Variants in TAF4 observed in about 807,000 individuals in gnomAD.
TAF4 encodes TATA-box binding protein associated factor 4, also known as transcription initiation factor TFIID subunit 4.
TAF4 carries 9 observed loss-of-function variants against 90.3 expected under a neutral mutation model. The ratio of observed to expected loss-of-function variants is 0.10; its 90% CI spans 0.06 to 0.17. The LOEUF (loss-of-function observed/expected upper bound fraction) is 0.17. Among genes scored for constraint, TAF4 ranks in the 10% least tolerant of loss-of-function variants. The pLI is 1.00. For missense variants in TAF4, 1,351 were observed against 1,370.7 expected (o/e 0.99, Z 0.23); for synonymous variants, 818 against 638.9 (o/e 1.28, Z -4.23).
At chr20:62,063,397 T>A (rs1600868634) in intron 1 of TAF4, among the ~76,000 whole-genome samples, 1 of 151,770 alleles carries the variant, frequency 6.6e-6, no homozygotes. Flanking sequence ...ACGGCACGCG[T>A]CACCACAGGC....
rs547978975 is a variant in TAF4 at position 62,051,729 on chromosome 20, C to T, written c.1360+12722G>A. Among the ~76,000 whole-genome samples, 130 of 152,332 alleles carry T rather than the reference C, an allele frequency of 8.5e-4. 1 individual carries two copies. In the Middle Eastern group the frequency reaches 0.01, roughly 12 times the overall value. ...GGGCCTGGCCCCTGCCATGGCACCA[C>T]TTCAGAACCTCATGGCAGGTGGCCT... On this transcript the variant is annotated intron_variant, in intron 1 of 14. Coordinates refer to ENST00000252996, the MANE Select transcript of TAF4 (RefSeq NM_003185.4).
intron 14 of TAF4, chr20:61,980,197 G>A (rs1009466643): frequency 1.3e-5 from 2 of 152,302 alleles, no homozygotes; most frequent in Non-Finnish European, 1.5e-5. Flanking sequence ...AATGAAAGGA[G>A]GAGGTCTCTC....
In TAF4 at chr20:62,010,064, G is replaced by A. The variant is rs761401561; in HGVS notation, c.1743C>T (p.Thr581=). 5 of 1,613,570 alleles carry A rather than the reference G, an allele frequency of 3.1e-6. No individual in the cohort carries two copies. The highest frequency in any genetic ancestry group is 4.2e-6 in the Non-Finnish European group (5 of 1,179,992). ...TPQRTVPGAT[T]TSSAATETME... ...CTCTTACCGTGGCAGCTGAGGAAGT[G>A]GTGGTCGCCCCTGGTACCGTGCGCT... The change falls in exon 4 of 15, where the codon ACC becomes ACT. Residue 581 remains threonine, a synonymous_variant. Transcript: ENST00000252996. The surrounding 1 kb of genome is among the most constrained non-coding windows in gnomAD (Gnocchi z 4.5).
At chr20:62,019,622 CTGGCCAG>C (rs751916952) in intron 1 of TAF4, among the ~76,000 whole-genome samples, 5 of 152,168 alleles carry the variant, frequency 3.3e-5, no homozygotes, top group African/African-American at 4.8e-5. Context: ...CCTCCAAAGC[CTGGCCAG>C]TGGCCAGTGG....
intron 9 of TAF4, among the ~76,000 whole-genome samples, chr20:62,001,188 C>T (rs1414087938): frequency 1.3e-5 from 2 of 152,202 alleles, no homozygotes; most frequent in Admixed American, 1.3e-4. Flanking sequence ...GTGTTTCCTA[C>T]AGACAAGGGC....
intron 1 of TAF4, among the ~76,000 whole-genome samples, chr20:62,063,850 G>C (rs1479608933): frequency 2.0e-5 from 3 of 152,254 alleles, no homozygotes; most frequent in Non-Finnish European, 4.4e-5. Flanking sequence ...CTCCCTGCCT[G>C]GTGGCAGCAG....
chr20:62,035,567 G>T (rs2055927640), intron 1 of TAF4, among the ~76,000 whole-genome samples: 1 of 129,558 alleles, frequency 7.7e-6, no homozygotes, highest in Non-Finnish European at 1.7e-5. Context: ...ATGCCAGGAG[G>T]ATTACATACT....
intron 1 of TAF4, among the ~76,000 whole-genome samples, chr20:62,035,817 A>C (rs1426341299): frequency 6.6e-6 from 1 of 152,170 alleles, no homozygotes; most frequent in Admixed American, 6.5e-5. Context: ...TGACCTACAA[A>C]GGAACAGTAA....
chr20:62,043,820 CGAT>C (rs2145505217), intron 1 of TAF4, among the ~76,000 whole-genome samples: 1 of 152,346 alleles, frequency 6.6e-6, no homozygotes, highest in African/African-American at 2.4e-5. Flanking sequence ...GCTCGCACAA[CGAT>C]GACATTGCCT....
At chr20:62,011,244 G>A (rs2055776164) in intron 3 of TAF4, among the ~76,000 whole-genome samples, 1 of 152,124 alleles carries the variant, frequency 6.6e-6, no homozygotes, top group African/African-American at 2.4e-5. Flanking sequence ...CTCCAGTGAA[G>A]AAAACATAAA....
Position 62,003,804 on chromosome 20 carries a change from G to A in TAF4, c.2298C>T (p.Val766=), listed in dbSNP as rs116393573. 710 of 1,608,560 alleles carry A rather than the reference G, an allele frequency of 4.4e-4. 7 individuals carry two copies. In the African/African-American group the frequency reaches 8.6e-3, roughly 19 times the overall value. The stretch of plus-strand genomic sequence containing the variant: ...TCCGGTTGTGAGGCTGCCGCAGGGC[G>A]ACCATGGGTGTCTGCGTCAACGTCA... The part of the protein sequence containing the change: ...PQVTLTQTPM[V]ALRQPHNRIM... Residue 766 remains valine (V), a synonymous_variant, in exon 8 of 15, where the codon GTC becomes GTT. Transcript: ENST00000252996.
chr20:62,056,945 C>T (rs555725515), intron 1 of TAF4, among the ~76,000 whole-genome samples: 34 of 152,336 alleles, frequency 2.2e-4, no homozygotes, highest in Non-Finnish European at 4.1e-4. Flanking sequence ...CACTGACATT[C>T]GTAACCTTCT....
At chr20:61,987,999 A>G (rs1183021203) in intron 14 of TAF4, among the ~76,000 whole-genome samples, 1 of 152,220 alleles carries the variant, frequency 6.6e-6, no homozygotes, top group Non-Finnish European at 1.5e-5. Flanking sequence ...CAACCACATG[A>G]TATTCTGGAA....
At chr20:61,984,223 C>T (rs879504255) in intron 14 of TAF4, among the ~76,000 whole-genome samples, 5 of 152,190 alleles carry the variant, frequency 3.3e-5, no homozygotes, top group East Asian at 1.9e-4. Context: ...CACCCACAGA[C>T]GCTGACTGCA....
chr20:62,062,519 T>C (rs556966824), intron 1 of TAF4, among the ~76,000 whole-genome samples: 4 of 152,256 alleles, frequency 2.6e-5, no homozygotes, highest in African/African-American at 7.2e-5. Flanking sequence ...TTTTAGATAG[T>C]AGCATTCGGC....
chr20:61,982,731 A>ACACCCCACCCGAGAGGCGACACCAAACCC (rs2055558145), intron 14 of TAF4, among the ~76,000 whole-genome samples: 1 of 143,300 alleles, frequency 7.0e-6, no homozygotes, highest in Admixed American at 7.0e-5. Flanking sequence ...CACCAAACCC[A>ACACCCCACCCGAGAGGCGACACCAAACCC]ATGCACTGCG....
chr20:62,039,866 G>A (rs1253586349), intron 1 of TAF4, among the ~76,000 whole-genome samples: 1 of 152,154 alleles, frequency 6.6e-6, no homozygotes, highest in Non-Finnish European at 1.5e-5. Flanking sequence ...CCCGAAAGAA[G>A]ATAGGCAAAT....
At chr20:62,000,465 C>T (rs552785945) in intron 10 of TAF4, 87 bp downstream of exon 10, 3 of 1,471,964 alleles carry the variant, frequency 2.0e-6, no homozygotes, top group Admixed American at 2.1e-5. Context: ...AAACACATGA[C>T]CAGGTGTCAG....
chr20:61,987,996 A>C (rs1014049985), intron 14 of TAF4, among the ~76,000 whole-genome samples: 3 of 152,220 alleles, frequency 2.0e-5, no homozygotes, highest in Non-Finnish European at 2.9e-5. Context: ...TTTCAACCAC[A>C]TGATATTCTG....
Sources: allele counts gnomAD v4.1 joint callset (sites outside exome capture counted in the v4.1 genomes callset), GRCh38; gene constraint gnomAD v4.1.1; non-coding constraint Gnocchi (gnomAD v3.1); transcripts MANE v1.5; gene names NCBI Gene and HGNC (gene_info 2026-07-23, HGNC 2026-07-21).